AGBL4: variants seen among roughly 807,000 people sequenced by gnomAD.
The protein encoded by AGBL4 is cytosolic carboxypeptidase 6.
AGBL4 carries 58 observed loss-of-function variants against 66.4 expected under a neutral mutation model. The observed-to-expected ratio is 0.87, with a 90% CI of 0.71 to 1.09. The LOEUF is 1.09. Among genes scored for constraint, AGBL4 ranks in the 50% least tolerant of loss-of-function variants. The probability of loss-of-function intolerance (pLI) is 0.00; values close to 1 mark genes in which losing one functional copy is unlikely to be tolerated. For synonymous variants in AGBL4, 234 were observed against 222.9 expected, an observed-to-expected ratio of 1.05 and a Z score of -0.44; for missense variants, 579 against 631.0, an observed-to-expected ratio of 0.92 and a Z score of 0.88.
chr1:49,548,590 A>G (rs1164819644), intron 3 of AGBL4, among the ~76,000 whole-genome samples: 5 of 152,150 alleles, frequency 3.3e-5, no homozygotes, highest in Non-Finnish European at 1.5e-5. Context: ...ATTGACTTGC[A>G]TATGTTAAAC....
intron 4 of AGBL4, among the ~76,000 whole-genome samples, chr1:49,193,311 G>T (rs1647158833): frequency 6.6e-6 from 1 of 150,806 alleles, no homozygotes; most frequent in Non-Finnish European, 1.5e-5. Flanking sequence ...GTTAATTTAT[G>T]ATCTATTTTT....
rs561925973 is a variant in AGBL4, at chr1:49,194,588, T to C, written c.377+51182A>G. Among the ~76,000 whole-genome samples, 9 of 152,306 alleles carry C rather than the reference T, an allele frequency of 5.9e-5. No homozygotes were observed. The East Asian group carries it at 1.7e-3, about 29-fold the overall frequency. On this transcript the variant is annotated intron_variant, in intron 4 of 13. Transcript: ENST00000371839. ...GTTATCTAATATTTTGTAGATTCTG[T>C]TTCTTGTTTGTTTTTTTTTCTAGAC...
chr1:48,645,901 G>A (rs1455629480), intron 8 of AGBL4, among the ~76,000 whole-genome samples: 1 of 152,168 alleles, frequency 6.6e-6, no homozygotes, highest in Non-Finnish European at 1.5e-5. Context: ...GATTACATAT[G>A]AAAGGTTGGA....
chr1:49,182,435 G>A (rs1266305249), intron 4 of AGBL4, among the ~76,000 whole-genome samples: 1 of 152,172 alleles, frequency 6.6e-6, no homozygotes, highest in Non-Finnish European at 1.5e-5. Context: ...CTGGAGTGAG[G>A]TAGGCCTGCC....
intron 4 of AGBL4, among the ~76,000 whole-genome samples, chr1:49,186,926 T>A (rs1348051809): frequency 6.6e-6 from 1 of 152,028 alleles, no homozygotes; most frequent in African/African-American, 2.4e-5. Flanking sequence ...TTGCTGGAGA[T>A]TAAAACTATG....
intron 1 of AGBL4, among the ~76,000 whole-genome samples, chr1:49,951,630 T>C (rs954903091): frequency 2.0e-5 from 3 of 151,900 alleles, no homozygotes; most frequent in African/African-American, 4.8e-5. Flanking sequence ...AATATTCACA[T>C]AGTTTACTAC....
At chr1:49,845,732 C>G (rs911224073) in intron 2 of AGBL4, 14 of 1,592,210 alleles carry the variant, frequency 8.8e-6, no homozygotes, top group Non-Finnish European at 1.2e-5. Flanking sequence ...AGGATTTACA[C>G]GGGAGAGAAG....
At chr1:48,961,325 TTA>T (rs1657958922) in intron 5 of AGBL4, among the ~76,000 whole-genome samples, 1 of 152,238 alleles carries the variant, frequency 6.6e-6, no homozygotes, top group Non-Finnish European at 1.5e-5. Flanking sequence ...CCAGTCATTT[TTA>T]TCTCTCTCAC....
intron 3 of AGBL4, among the ~76,000 whole-genome samples, chr1:49,675,140 C>G (rs1646554532): frequency 6.6e-6 from 1 of 152,080 alleles, no homozygotes; most frequent in Admixed American, 6.6e-5. Flanking sequence ...GATTGTCATT[C>G]TGTTTTCCAA....
intron 3 of AGBL4, among the ~76,000 whole-genome samples, chr1:49,263,573 A>G (rs1653443945): frequency 6.6e-6 from 1 of 152,148 alleles, no homozygotes; most frequent in Non-Finnish European, 1.5e-5. Context: ...AATATAAATT[A>G]AGAAAATAAT....
chr1:49,131,924 G>T (rs1645905993), intron 4 of AGBL4, among the ~76,000 whole-genome samples: 1 of 151,988 alleles, frequency 6.6e-6, no homozygotes, highest in Admixed American at 6.6e-5. Context: ...ACAAGATATG[G>T]AACTGGAAAA....
chr1:49,269,198 C>G (rs1298596014), intron 3 of AGBL4: 1 of 152,142 alleles, frequency 6.6e-6, no homozygotes, highest in Non-Finnish European at 1.5e-5. Context: ...AGCACCCAGA[C>G]AAGATCAGCA....
intron 2 of AGBL4, among the ~76,000 whole-genome samples, chr1:49,796,136 A>G (rs1359131266): frequency 6.6e-6 from 1 of 151,966 alleles, no homozygotes; most frequent in Non-Finnish European, 1.5e-5. Context: ...GGTAATTCAG[A>G]AGCAGAATAA....
intron 5 of AGBL4, among the ~76,000 whole-genome samples, chr1:48,893,240 C>T (rs1164805704): frequency 6.6e-6 from 1 of 152,068 alleles, no homozygotes; most frequent in Non-Finnish European, 1.5e-5. Flanking sequence ...TGTACCCAGT[C>T]CCTGTTATGG....
intron 1 of AGBL4, among the ~76,000 whole-genome samples, chr1:49,905,167 T>TTTTATATAA (rs1650153243): frequency 2.0e-5 from 3 of 152,128 alleles, no homozygotes; most frequent in Non-Finnish European, 4.4e-5. Flanking sequence ...ATAGGAATCC[T>TTTTATATAA]CCCTGCTTCA....
In AGBL4 at chr1:48,591,033, G is replaced by T. The variant is rs577114972; in HGVS notation, c.952-48C>A. ...ATGAGAAGTCTGGGCTGTAGAGCTT[G>T]TGTATAAGGGACCAGACACTACACT... is the stretch of plus-strand genomic sequence containing the variant. On this transcript the variant is annotated intron_variant, in intron 9 of 13. Transcript: ENST00000371839. 7.2e-6 allele frequency: 11 copies of T among 1,533,934 alleles called. No individual in the cohort carries two copies. In the South Asian group the frequency reaches 1.4e-4, roughly 19 times the overall value.
intron 6 of AGBL4, among the ~76,000 whole-genome samples, chr1:48,710,224 A>C (rs1305186413): frequency 6.6e-6 from 1 of 152,154 alleles, no homozygotes; most frequent in Non-Finnish European, 1.5e-5. Context: ...TCACATCAAC[A>C]GGGAGGGCAC....
At chr1:49,542,287 C>T (rs1652107659) in intron 3 of AGBL4, among the ~76,000 whole-genome samples, 1 of 152,196 alleles carries the variant, frequency 6.6e-6, no homozygotes, top group Non-Finnish European at 1.5e-5. Context: ...TGTTCTTTCA[C>T]TCTTTGCAAT....
chr1:49,728,142 C>T (rs951466989), intron 2 of AGBL4, among the ~76,000 whole-genome samples: 6 of 152,108 alleles, frequency 3.9e-5, no homozygotes, highest in African/African-American at 1.4e-4. Context: ...ATATATTTAG[C>T]TTTCATAAAA....
Sources: gnomAD v4.1 joint callset for allele counts (sites outside exome capture counted in the v4.1 genomes callset) on GRCh38, gnomAD v4.1.1 for gene constraint, MANE v1.5 for transcripts, NCBI Gene and HGNC (gene_info 2026-07-23, HGNC 2026-07-21) for gene names.